FHOD3: variants seen among roughly 807,000 people sequenced by gnomAD.
FHOD3 encodes the protein FH1/FH2 domain-containing protein 3.
Under a neutral mutation model 173.0 loss-of-function variants are expected in FHOD3, and 90 were observed. The observed-to-expected ratio is 0.52, with a 90% CI of 0.44 to 0.62. FHOD3 has a LOEUF of 0.62. FHOD3 is among the 20% of genes least tolerant of loss of function. FHOD3 has a pLI of 0.00. For synonymous variants in FHOD3, 828 were observed against 823.0 expected, an observed-to-expected ratio of 1.01 and a Z score of -0.10; for missense variants, 1,945 against 2,034.7, an observed-to-expected ratio of 0.96 and a Z score of 0.85.
intron 15 of FHOD3, 26 bp downstream of exon 15, chr18:36,681,596 T>G (rs542241): frequency 6.2e-7 from 1 of 1,602,194 alleles, no homozygotes; most frequent in Non-Finnish European, 8.5e-7. Flanking sequence ...AGATTTTTTT[T>G]AAATAGTGAG....
intron 5 of FHOD3, among the ~76,000 whole-genome samples, chr18:36,516,987 G>A (rs1203299496): frequency 6.7e-6 from 1 of 149,256 alleles, no homozygotes; most frequent in Non-Finnish European, 1.5e-5. Flanking sequence ...CCCCCTCTCA[G>A]CATTTTTTTT....
intron 8 of FHOD3, 82 bp from the exon 9 acceptor site, chr18:36,611,870 G>A: frequency 7.5e-7 from 1 of 1,328,376 alleles, no homozygotes; most frequent in East Asian, 2.4e-5. Flanking sequence ...CAATATGCCT[G>A]GATTAGGCAT....
At position 36,693,415 on chromosome 18, in the gene FHOD3, A is replaced by G; in HGVS notation, c.2228A>G (p.His743Arg). The G allele has an allele frequency of 1.2e-6, 2 of 1,613,014 alleles. No homozygotes were observed. Among genetic ancestry groups the G allele is most frequent in the Non-Finnish European group, 1.7e-6 (2 of 1,179,290 alleles). ...VSASSPGTPHHPQASAGDPEP... is the reference protein window; with the variant it reads ...VSASSPGTPHRPQASAGDPEP... ...GCCTCCTCCCCAGGAACCCCTCACCATCCCCAAGGTGAGTACAGGGAGAGT... is the reference window on the plus strand; with the variant it reads ...GCCTCCTCCCCAGGAACCCCTCACCGTCCCCAAGGTGAGTACAGGGAGAGT... Residue 743 changes from histidine to arginine, a missense_variant, in exon 17 of 29, where the codon CAT becomes CGT. Physicochemically the swap from His to Arg is conservative, Grantham distance 29 (BLOSUM62 0). Transcript: ENST00000590592.
At chr18:36,480,363 T>C (rs1010685497) in intron 3 of FHOD3, among the ~76,000 whole-genome samples, 3 of 152,204 alleles carry the variant, frequency 2.0e-5, no homozygotes, top group Non-Finnish European at 4.4e-5. Context: ...TACAGGGAGA[T>C]GGTCATTGTC....
chr18:36,545,411 C>T (rs1359578265), intron 5 of FHOD3, among the ~76,000 whole-genome samples: 2 of 152,166 alleles, frequency 1.3e-5, no homozygotes, highest in African/African-American at 4.8e-5. Context: ...ACGAGGAAGA[C>T]CTCTTTGAAG....
In FHOD3 at chr18:36,760,783, G is replaced by T; in HGVS notation, c.4624+1G>T. The T allele has an allele frequency of 1.2e-6, 2 of 1,608,576 alleles. No individual in the cohort carries two copies. Among genetic ancestry groups the T allele is most frequent in the African/African-American group, 1.3e-5 (1 of 74,988 alleles). On this transcript the variant is annotated splice_donor_variant, in intron 27 of 28. Transcript: ENST00000590592. LOFTEE classifies it high-confidence loss of function. ...CGCACACGCAGCCGAGCAAGCCGAG[G>T]TAACTCCTGGCTGCGCGGGGCTCGT...
intron 3 of FHOD3, among the ~76,000 whole-genome samples, chr18:36,433,265 TGGG>T (rs1339321155): frequency 2.0e-5 from 3 of 152,132 alleles, no homozygotes; most frequent in Non-Finnish European, 4.4e-5. Context: ...AAGGGAGTCT[TGGG>T]GGGCATTTTA....
intron 15 of FHOD3, among the ~76,000 whole-genome samples, chr18:36,682,635 T>C (rs1002231713): frequency 1.3e-5 from 2 of 152,138 alleles, no homozygotes; most frequent in Non-Finnish European, 2.9e-5. Flanking sequence ...CAGGCTGGAG[T>C]ACAGTGGCGC....
At chr18:36,587,684 A>C (rs1469127180) in intron 6 of FHOD3, among the ~76,000 whole-genome samples, 2 of 152,098 alleles carry the variant, frequency 1.3e-5, no homozygotes, top group Non-Finnish European at 2.9e-5. Flanking sequence ...CTAGCTACTC[A>C]GGAGGCTGAG....
intron 3 of FHOD3, among the ~76,000 whole-genome samples, chr18:36,408,991 C>T (rs2146842406): frequency 6.6e-6 from 1 of 152,284 alleles, no homozygotes. Context: ...TGCTGGGGAG[C>T]TGGGTCTGAG....
chr18:36,490,028 CT>C (rs1454635029), intron 3 of FHOD3, among the ~76,000 whole-genome samples: 2 of 152,206 alleles, frequency 1.3e-5, no homozygotes, highest in Non-Finnish European at 2.9e-5. Context: ...CACTCATCTG[CT>C]TACCTAGGTC....
At chr18:36,571,825 G>GT (rs565879132) in intron 5 of FHOD3, among the ~76,000 whole-genome samples, 141 of 152,278 alleles carry the variant, frequency 9.3e-4, no homozygotes, top group African/African-American at 2.9e-3. Flanking sequence ...ATGCTTCTTT[G>GT]TACAACAGTT....
intron 14 of FHOD3, among the ~76,000 whole-genome samples, chr18:36,659,136 C>T (rs1015624772): frequency 4.6e-5 from 7 of 152,150 alleles, no homozygotes; most frequent in Admixed American, 2.0e-4. Flanking sequence ...TATGTTTTGC[C>T]GAGTGCTGCT....
intron 3 of FHOD3, among the ~76,000 whole-genome samples, chr18:36,441,811 C>T (rs1025282231): frequency 1.3e-5 from 2 of 152,186 alleles, no homozygotes; most frequent in East Asian, 1.9e-4. Context: ...CTCATGGAAT[C>T]GTGGACTCAC....
intron 1 of FHOD3, among the ~76,000 whole-genome samples, chr18:36,354,112 G>A (rs970109118): frequency 6.6e-6 from 1 of 152,204 alleles, no homozygotes; most frequent in Non-Finnish European, 1.5e-5. Context: ...GGGGAGAAAA[G>A]GGAATGGTGT....
intron 5 of FHOD3, among the ~76,000 whole-genome samples, chr18:36,563,090 A>C (rs948583921): frequency 1.3e-5 from 2 of 152,168 alleles, no homozygotes; most frequent in East Asian, 1.9e-4. Context: ...TGGTTGGTGA[A>C]ATTTTAGTAA....
intron 9 of FHOD3, among the ~76,000 whole-genome samples, chr18:36,612,457 G>A (rs915737800): frequency 1.3e-5 from 2 of 152,186 alleles, no homozygotes; most frequent in African/African-American, 2.4e-5. Flanking sequence ...CCTGAGTGGG[G>A]TGGAACTTCA....
rs114102599 is a variant in FHOD3, at chr18:36,460,052, T to A, written c.338-41880T>A. 5.7e-3 allele frequency among the ~76,000 whole-genome samples: 868 copies of A among 152,334 alleles called. 5 individuals carry two copies. Among genetic ancestry groups the A allele is most frequent in the African/African-American group, 0.019 (789 of 41,570 alleles). On this transcript the variant is annotated intron_variant, in intron 3 of 28. Coordinates refer to ENST00000590592, the MANE Select transcript of FHOD3 (RefSeq NM_001281740.3). ...TCGATTGTGATTTGTCTCATGTCTT[T>A]CTCATCATTAGAATGGGGTTATATG...
At chr18:36,454,446 A>T (rs920087648) in intron 3 of FHOD3, among the ~76,000 whole-genome samples, 10 of 152,198 alleles carry the variant, frequency 6.6e-5, no homozygotes, top group Admixed American at 6.5e-4. Context: ...TTACAAATCT[A>T]GTGTTCACAT....
Sources: allele counts gnomAD v4.1 joint callset (sites outside exome capture counted in the v4.1 genomes callset), GRCh38; gene constraint gnomAD v4.1.1; transcripts MANE v1.5; gene names NCBI Gene and HGNC (gene_info 2026-07-23, HGNC 2026-07-21).